Variants in GABRG2 observed in about 807,000 individuals in gnomAD.
The protein encoded by GABRG2 is gamma-aminobutyric acid receptor subunit gamma-2.
GABRG2 carries 16 observed loss-of-function variants against 56.4 expected under a neutral mutation model. The observed-to-expected ratio is 0.28, with a 90% confidence interval of 0.19 to 0.43. The LOEUF is 0.43. GABRG2 is among the 20% of genes least tolerant of loss of function. GABRG2 has a pLI of 1.00. For missense variants in GABRG2, 327 were observed against 582.7 expected (o/e 0.56, Z 4.52); for synonymous variants, 208 against 205.5 (o/e 1.01, Z -0.10).
chr5:162,089,955 C>G (rs1229056558), intron 1 of GABRG2, among the ~76,000 whole-genome samples: 3 of 152,034 alleles, frequency 2.0e-5, no homozygotes, highest in Non-Finnish European at 2.9e-5. Flanking sequence ...AGAATATGTA[C>G]CAAAATTAAA....
intron 7 of GABRG2, chr5:162,142,997 A>G (rs1764697263): frequency 6.6e-6 from 1 of 152,252 alleles, no homozygotes; most frequent in Non-Finnish European, 1.5e-5. Flanking sequence ...ATTTTAGTTA[A>G]CTATTTTTTA....
chr5:162,076,167 T>C (rs987159231), intron 1 of GABRG2, among the ~76,000 whole-genome samples: 3 of 152,000 alleles, frequency 2.0e-5, no homozygotes, highest in East Asian at 1.9e-4. Context: ...AAAAGGAAGA[T>C]AATAATTTTT....
intron 6 of GABRG2, among the ~76,000 whole-genome samples, chr5:162,130,884 T>TGG (rs1763693620): frequency 6.6e-6 from 1 of 151,946 alleles, no homozygotes; most frequent in Non-Finnish European, 1.5e-5. Context: ...TGAGTCCCCA[T>TGG]AGAAGGCATG....
intron 3 of GABRG2, among the ~76,000 whole-genome samples, chr5:162,096,712 GCCTA>G: frequency 2.0e-5 from 3 of 151,678 alleles, no homozygotes; most frequent in Admixed American, 2.0e-4. Flanking sequence ...AAAGACTCAG[GCCTA>G]ATGGTCTGAA....
At chr5:162,108,347 C>A (rs1761986028) in intron 6 of GABRG2, among the ~76,000 whole-genome samples, 1 of 152,130 alleles carries the variant, frequency 6.6e-6, no homozygotes, top group South Asian at 2.1e-4. Context: ...AGGAACTTTC[C>A]AGTCTTGTTT....
rs1554097873 is a variant in GABRG2 at position 162,097,655 on chromosome 5, A to AT, written c.351dup (p.Ala118CysfsTer6). On this transcript the variant is annotated frameshift_variant, in exon 4 of 10. Coordinates refer to ENST00000639213, the MANE Select transcript of GABRG2 (RefSeq NM_198904.4). LOFTEE classifies it high-confidence loss of function. Reference sequence around the variant, plus strand: ...TAAAACAGGAATACACTATTGATATATTTTTTGCGCAAACGTGGTATGACA... The same window carrying AT: ...TAAAACAGGAATACACTATTGATATATTTTTTTGCGCAAACGTGGTATGACA... The AT allele has an allele frequency of 6.2e-7, 1 of 1,612,616 alleles. No individual in the cohort carries two copies. The highest frequency in any genetic ancestry group is 8.5e-7 in the Non-Finnish European group (1 of 1,178,882).
chr5:162,134,664 C>T (rs2113555652), intron 6 of GABRG2, among the ~76,000 whole-genome samples: 1 of 152,276 alleles, frequency 6.6e-6, no homozygotes, highest in South Asian at 2.1e-4. Context: ...ATGCCCCTGC[C>T]ACCCTATCAC....
At chr5:162,105,969 T>G (rs1318551381) in intron 6 of GABRG2, among the ~76,000 whole-genome samples, 1 of 152,102 alleles carries the variant, frequency 6.6e-6, no homozygotes, top group Admixed American at 6.6e-5. Flanking sequence ...AACTCGTGAC[T>G]AGAAGATTTC....
intron 1 of GABRG2, among the ~76,000 whole-genome samples, chr5:162,087,833 ATAAAG>A (rs1760247601): frequency 1.3e-5 from 2 of 152,142 alleles, no homozygotes; most frequent in African/African-American, 2.4e-5. Context: ...GTGGCTGTTA[ATAAAG>A]TAAACAATTT....
intron 6 of GABRG2, among the ~76,000 whole-genome samples, chr5:162,134,582 A>G (rs1490806093): frequency 6.6e-6 from 1 of 152,188 alleles, no homozygotes; most frequent in East Asian, 1.9e-4. Flanking sequence ...GAAATCACAC[A>G]ATCAGTTAGT....
chr5:162,120,864 G>T (rs186676126), intron 6 of GABRG2, among the ~76,000 whole-genome samples: 1 of 152,054 alleles, frequency 6.6e-6, no homozygotes, highest in Non-Finnish European at 1.5e-5. Context: ...TTAAAACCTG[G>T]TAGTAAAAGC....
chr5:162,095,267 G>A (rs1244039080), intron 2 of GABRG2, among the ~76,000 whole-genome samples: 1 of 152,038 alleles, frequency 6.6e-6, no homozygotes, highest in African/African-American at 2.4e-5. Flanking sequence ...AGGATAATTG[G>A]TTTCAAAACT....
intron 6 of GABRG2, among the ~76,000 whole-genome samples, chr5:162,123,967 A>G (rs1410846798): frequency 2.6e-5 from 4 of 151,982 alleles, no homozygotes; most frequent in Admixed American, 1.3e-4. Context: ...ATTCTCTTTT[A>G]TCCATATAAG....
In GABRG2 at chr5:162,067,827, C is replaced by A. The variant is rs1173378632; in HGVS notation, c.-173C>A. 1.3e-5 allele frequency: 8 copies of A among 636,736 alleles called. No homozygotes were observed. The highest frequency in any genetic ancestry group is 2.2e-5 in the Non-Finnish European group (8 of 359,534). 39.4% of individuals were successfully genotyped at this position (636,736 alleles called of 1,614,324 possible). On this transcript the variant is annotated 5_prime_UTR_variant, in exon 1 of 10. Transcript: ENST00000639213. ...AGCGTTTTTGCTGATCTTATCTCTG[C>A]CCCCTGAATATTAATTCCCTAATCT...
rs375627880 is a variant in GABRG2, at chr5:162,152,863, A to C, written c.1153-230A>C. ...GGTGTTCAATCTCCTTGCTATAGCT[A>C]TTAGCTTGATGATATTATTTTCAGC... On this transcript the variant is annotated intron_variant, in intron 9 of 9. Transcript: ENST00000639213. 1.2e-4 allele frequency: 70 copies of C among 606,890 alleles called. No homozygotes were observed. The East Asian group carries it at 1.8e-3, about 15-fold the overall frequency. The allele number at this position is 606,890 out of a possible 1,614,324, so 37.6% of individuals were successfully genotyped here.
intron 6 of GABRG2, among the ~76,000 whole-genome samples, chr5:162,104,720 T>A (rs1468527282): frequency 1.3e-5 from 2 of 152,066 alleles, no homozygotes; most frequent in South Asian, 4.1e-4. Flanking sequence ...TAATATTAAT[T>A]ATGATTATCA....
intron 1 of GABRG2, among the ~76,000 whole-genome samples, chr5:162,074,484 A>G (rs1021208973): frequency 2.6e-5 from 4 of 152,076 alleles, no homozygotes; most frequent in Admixed American, 6.6e-5. Flanking sequence ...TAGTAAGACA[A>G]ATATACAGTG....
intron 1 of GABRG2, among the ~76,000 whole-genome samples, chr5:162,089,902 A>C (rs966154465): frequency 6.6e-6 from 1 of 152,158 alleles, no homozygotes; most frequent in Admixed American, 6.6e-5. Context: ...GAAATTTAAA[A>C]TTCCAGAAAC....
chr5:162,118,208 TG>T (rs1762754961), intron 6 of GABRG2, among the ~76,000 whole-genome samples: 1 of 118,726 alleles, frequency 8.4e-6, no homozygotes, highest in Admixed American at 8.4e-5. Context: ...TCTGATGGTG[TG>T]TGTGTGTGTG....
Sources: gnomAD v4.1 joint callset for allele counts (sites outside exome capture counted in the v4.1 genomes callset) on GRCh38, gnomAD v4.1.1 for gene constraint, MANE v1.5 for transcripts, NCBI Gene and HGNC (gene_info 2026-07-23, HGNC 2026-07-21) for gene names.